DYNC2H1: variants seen among roughly 807,000 people sequenced by gnomAD.
DYNC2H1 encodes cytoplasmic dynein 2 heavy chain 1.
Under a neutral mutation model 570.0 loss-of-function variants are expected in DYNC2H1, and 410 were observed. The ratio of observed to expected loss-of-function variants is 0.72; its 90% CI spans 0.66 to 0.78. The LOEUF is 0.78. Among genes scored for constraint, DYNC2H1 ranks in the 30% least tolerant of loss-of-function variants. The probability of loss-of-function intolerance (pLI) is 0.00; values close to 1 mark genes in which losing one functional copy is unlikely to be tolerated. For missense variants in DYNC2H1, 4,865 were observed against 5,046.4 expected (o/e 0.96, Z 1.09); for synonymous variants, 1,688 against 1,677.6 (o/e 1.01, Z -0.15).
rs1480539123 is a variant in DYNC2H1, at chr11:103,277,411, C to T, written c.10696-2937C>T. On this transcript the variant is annotated intron_variant, in intron 70 of 88. Coordinates refer to ENST00000375735, the MANE Select transcript of DYNC2H1 (RefSeq NM_001377.3). The surrounding 1 kb of genome is among the most constrained non-coding windows in gnomAD (Gnocchi z 4.3). ...TAAACAATTATAAAGTTCTCTCCCC[C>T]TCCTTCATCTGCCTTTTTCAGAAGC... 1.3e-5 allele frequency among the ~76,000 whole-genome samples: 2 copies of T among 151,954 alleles called. No homozygotes were observed. The highest frequency in any genetic ancestry group is 2.4e-5 in the African/African-American group (1 of 41,358).
chr11:103,257,306 G>T (rs2135266143), intron 68 of DYNC2H1, among the ~76,000 whole-genome samples: 1 of 152,178 alleles, frequency 6.6e-6, no homozygotes, highest in East Asian at 1.9e-4. Flanking sequence ...TCCAGAACTG[G>T]GTGAAATAAA....
chr11:103,445,082 A>G (rs1290421984), intron 85 of DYNC2H1, among the ~76,000 whole-genome samples: 2 of 152,226 alleles, frequency 1.3e-5, no homozygotes, highest in South Asian at 2.1e-4. Flanking sequence ...TCTCTTCTCA[A>G]ATACCGAATG....
intron 17 of DYNC2H1, among the ~76,000 whole-genome samples, chr11:103,137,986 G>A (rs2134795353): frequency 6.6e-6 from 1 of 150,980 alleles, no homozygotes; most frequent in African/African-American, 2.4e-5. Context: ...TCTCTTTGAA[G>A]CAGTTGTGAA....
At position 103,358,784 on chromosome 11, in the gene DYNC2H1, C is replaced by T. The variant is rs546304800; in HGVS notation, c.12156+425C>T. Among the ~76,000 whole-genome samples the T allele has an allele frequency of 2.0e-5, 3 of 152,136 alleles. No individual in the cohort carries two copies. The South Asian group carries it at 6.2e-4, about 32-fold the overall frequency. ...GTTCTTAAAATGTATATACATAGTA[C>T]AACCATGTAGGTATTCATATGTATA... is the stretch of plus-strand genomic sequence containing the variant. On this transcript the variant is annotated intron_variant, in intron 83 of 88. Coordinates refer to ENST00000375735, the MANE Select transcript of DYNC2H1 (RefSeq NM_001377.3).
chr11:103,303,532 G>A (rs1418729888), intron 76 of DYNC2H1, among the ~76,000 whole-genome samples: 1 of 152,064 alleles, frequency 6.6e-6, no homozygotes. Context: ...CAGGTGAGTC[G>A]AGAGTGCAGC....
intron 13 of DYNC2H1, among the ~76,000 whole-genome samples, chr11:103,130,984 G>T (rs899924406): frequency 6.6e-6 from 1 of 152,108 alleles, no homozygotes; most frequent in Non-Finnish European, 1.5e-5. Context: ...TCAAGCAATA[G>T]AACAGTAAGT....
In DYNC2H1 at chr11:103,255,454, G is replaced by C; in HGVS notation, c.10246G>C (p.Glu3416Gln). 6.4e-7 allele frequency: 1 copy of C among 1,568,002 alleles called. No individual in the cohort carries two copies. Among genetic ancestry groups the C allele is most frequent in the Non-Finnish European group, 8.7e-7 (1 of 1,155,456 alleles). ...CATTCAGCATGAGAAACCTGATTTA[G>C]AAGAACAGAAAACAAAACTATTACA... The part of the protein sequence containing the change: ...LTIQHEKPDL[E>Q]EQKTKLLQQE... The change falls in exon 67 of 89, where the codon GAA becomes CAA. Residue 3416 changes from glutamate to glutamine, a missense_variant. By Grantham distance (29) the Glu-to-Gln change is conservative (BLOSUM62 2). Transcript: ENST00000375735.
chr11:103,254,768 G>GTTTAT lies in DYNC2H1; in HGVS notation c.10207-633_10207-629dup, dbSNP rs934692013. Among the ~76,000 whole-genome samples, 1 of 151,766 alleles carries GTTTAT rather than the reference G, an allele frequency of 6.6e-6. No individual in the cohort carries two copies. Among genetic ancestry groups the GTTTAT allele is most frequent in the African/African-American group, 2.4e-5 (1 of 41,358 alleles). On this transcript the variant is annotated intron_variant, in intron 66 of 88. Transcript: ENST00000375735. This position sits in a 1 kb window ranked among gnomAD's most constrained non-coding sequence, Gnocchi z 4.9. The stretch of plus-strand genomic sequence containing the variant: ...GACATAGTATTTTATCTTTTTATTT[G>GTTTAT]TTTATTTTATTTTATTTTTTTGAGA...
Position 103,168,174 on chromosome 11 carries a change from G to A in DYNC2H1, c.4763-581G>A, listed in dbSNP as rs1861411797. On this transcript the variant is annotated intron_variant, in intron 31 of 88. Transcript: ENST00000375735. ...CTCTTGGGATCACAGCTCCTCTGGA[G>A]TTTTAGGGACTTCTGGGTCCCAGCT... Among the ~76,000 whole-genome samples the A allele has an allele frequency of 2.6e-5, 4 of 152,176 alleles. 1 individual carries two copies. The highest frequency in any genetic ancestry group is 2.6e-4 in the Admixed American group (4 of 15,274).
At chr11:103,187,810 A>G (rs1301906907) in intron 43 of DYNC2H1, among the ~76,000 whole-genome samples, 2 of 152,128 alleles carry the variant, frequency 1.3e-5, no homozygotes, top group African/African-American at 4.8e-5. Flanking sequence ...GAGAATAGAA[A>G]CAGCCTTCAC....
intron 74 of DYNC2H1, 84 bp downstream of exon 74, chr11:103,286,470 T>G: frequency 6.7e-7 from 1 of 1,489,162 alleles, no homozygotes; most frequent in Admixed American, 2.0e-5. Context: ...AAGCTTTGCT[T>G]TTAGAGTGTT....
chr11:103,377,288 C>G (rs1440337795), intron 83 of DYNC2H1, among the ~76,000 whole-genome samples: 1 of 152,094 alleles, frequency 6.6e-6, no homozygotes, highest in Admixed American at 6.5e-5. Flanking sequence ...GACCCATAGG[C>G]TTTCTTCATT....
intron 70 of DYNC2H1, among the ~76,000 whole-genome samples, chr11:103,279,200 A>G (rs1212253545): frequency 1.3e-5 from 2 of 152,174 alleles, no homozygotes; most frequent in Non-Finnish European, 2.9e-5. Context: ...TTTACCAGAA[A>G]GATGTTTTAT....
At chr11:103,223,962 G>T (rs1397812870) in intron 59 of DYNC2H1, among the ~76,000 whole-genome samples, 2 of 151,454 alleles carry the variant, frequency 1.3e-5, no homozygotes, top group Non-Finnish European at 2.9e-5. Context: ...TGGCGAAGAT[G>T]ATCTCGATCT....
intron 24 of DYNC2H1, among the ~76,000 whole-genome samples, 152 bp from the exon 25 acceptor site, chr11:103,155,179 T>C (rs1860755714): frequency 6.6e-6 from 1 of 152,110 alleles, no homozygotes. Context: ...TACAATTCTG[T>C]TTAAGAATAT....
In DYNC2H1 at chr11:103,241,990, C is replaced by T. The variant is rs1864439530; in HGVS notation, c.9820-1703C>T. On this transcript the variant is annotated intron_variant, in intron 63 of 88. Transcript: ENST00000375735. The surrounding 1 kb of genome is among the most constrained non-coding windows in gnomAD (Gnocchi z 5.1). ...ACAGGGCAGATAATTCCCACTATCT[C>T]CCTCCCTCTTGGTGTGCCACTGAGA... Among the ~76,000 whole-genome samples the T allele has an allele frequency of 6.6e-6, 1 of 152,016 alleles. No individual in the cohort carries two copies. Among genetic ancestry groups the T allele is most frequent in the Admixed American group, 6.5e-5 (1 of 15,268 alleles).
At chr11:103,364,039 A>T (rs1940779783) in intron 83 of DYNC2H1, among the ~76,000 whole-genome samples, 1 of 152,194 alleles carries the variant, frequency 6.6e-6, no homozygotes, top group Non-Finnish European at 1.5e-5. Context: ...TATTCTAGAT[A>T]TCTGACAGAG....
chr11:103,292,233 C>CT (rs561644043), intron 75 of DYNC2H1, among the ~76,000 whole-genome samples: 1 of 147,922 alleles, frequency 6.8e-6, no homozygotes, highest in East Asian at 2.0e-4. Flanking sequence ...TAACTTCTTG[C>CT]TTTTTTTTAT....
Position 103,305,626 on chromosome 11 carries a change from G to C in DYNC2H1, c.11382+906G>C, listed in dbSNP as rs1260526336. On this transcript the variant is annotated intron_variant, in intron 77 of 88. Coordinates refer to ENST00000375735, the MANE Select transcript of DYNC2H1 (RefSeq NM_001377.3). The surrounding 1 kb of genome is among the most constrained non-coding windows in gnomAD (Gnocchi z 4.3). ...ATAGAATAGAAACAAACAGAATAGA[G>C]TAAATTGAGGGAGGTCCTGCCCTAG... is the stretch of plus-strand genomic sequence containing the variant. Among the ~76,000 whole-genome samples the C allele has an allele frequency of 1.3e-5, 2 of 152,068 alleles. No individual in the cohort carries two copies. Among genetic ancestry groups the C allele is most frequent in the Admixed American group, 1.3e-4 (2 of 15,248 alleles).
Sources: allele counts gnomAD v4.1 joint callset (sites outside exome capture counted in the v4.1 genomes callset), GRCh38; gene constraint gnomAD v4.1.1; non-coding constraint Gnocchi (gnomAD v3.1); transcripts MANE v1.5; gene names NCBI Gene and HGNC (gene_info 2026-07-23, HGNC 2026-07-21).